The following PIAS1 variants were observed in gnomAD, a reference collection of about 807,000 sequenced individuals.
The protein encoded by PIAS1 is E3 SUMO-protein ligase PIAS1.
A neutral mutation model predicts 71.3 loss-of-function variants in PIAS1; 6 were observed. That is an observed-to-expected ratio of 0.08 (90% CI 0.05 to 0.17). The LOEUF (loss-of-function observed/expected upper bound fraction) is 0.17, where lower values mean the gene tolerates loss of function less well. PIAS1 is among the 10% of genes least tolerant of loss of function. The pLI is 1.00. For missense variants in PIAS1, 555 were observed against 793.6 expected (o/e 0.70, Z 3.61); for synonymous variants, 303 against 292.9 (o/e 1.03, Z -0.35).
At chr15:68,149,988 G>A (rs1295544636) in intron 6 of PIAS1, among the ~76,000 whole-genome samples, 4 of 151,896 alleles carry the variant, frequency 2.6e-5, no homozygotes, top group Non-Finnish European at 5.9e-5. Flanking sequence ...TATCAATGAT[G>A]TATTTCTATA....
At chr15:68,181,518 C>G (rs1191515886) in intron 12 of PIAS1, 164 bp downstream of exon 12, 6 of 609,702 alleles carry the variant, frequency 9.8e-6, no homozygotes, top group Non-Finnish European at 1.4e-5. Context: ...AAATACTGAC[C>G]CAGTTCGTTG....
At chr15:68,089,151 G>T (rs1423402892) in intron 2 of PIAS1, among the ~76,000 whole-genome samples, 2 of 152,078 alleles carry the variant, frequency 1.3e-5, no homozygotes, top group Admixed American at 1.3e-4. Flanking sequence ...GCATGGTTTT[G>T]TATTTCTAAC....
At position 68,188,752 on chromosome 15, in the gene PIAS1, C is replaced by T. The variant is rs2093103806; in HGVS notation, c.*917C>T. On this transcript the variant is annotated 3_prime_UTR_variant, in exon 14 of 14. Transcript: ENST00000249636. Reference sequence around the variant, plus strand: ...GGATTGCCAGTATTGTGTATTTAAACCAAGTCTGTGAATACCTGCTTTTTT... The same window carrying T: ...GGATTGCCAGTATTGTGTATTTAAATCAAGTCTGTGAATACCTGCTTTTTT... 1 of 152,116 alleles carries T rather than the reference C, an allele frequency of 6.6e-6. No individual in the cohort carries two copies. The highest frequency in any genetic ancestry group is 2.4e-5 in the African/African-American group (1 of 41,424). 9.4% of individuals were successfully genotyped at this position (152,116 alleles called of 1,614,324 possible). A position where few individuals can be genotyped will look rare whatever the true frequency, so the allele number is the denominator to read the frequency against.
chr15:68,102,332 C>A (rs2092434230), intron 2 of PIAS1, among the ~76,000 whole-genome samples: 6 of 152,152 alleles, frequency 3.9e-5, no homozygotes, highest in Admixed American at 3.9e-4. Context: ...CTGTCTCCCA[C>A]CATTACCACA....
At chr15:68,118,476 A>G (rs1314859883) in intron 2 of PIAS1, among the ~76,000 whole-genome samples, 3 of 152,162 alleles carry the variant, frequency 2.0e-5, no homozygotes, top group Admixed American at 6.5e-5. Flanking sequence ...TGCTGAGACT[A>G]TAGGCATGCA....
chr15:68,163,044 G>A (rs547746066), intron 7 of PIAS1, among the ~76,000 whole-genome samples: 8 of 152,242 alleles, frequency 5.3e-5, no homozygotes, highest in East Asian at 1.9e-4. Context: ...AAACACACTC[G>A]CAGACACTTT....
At chr15:68,162,454 A>AG in intron 7 of PIAS1, among the ~76,000 whole-genome samples, 1 of 152,162 alleles carries the variant, frequency 6.6e-6, no homozygotes, top group East Asian at 1.9e-4. Context: ...AAACTCTAGG[A>AG]GGGGAAGGAG....
chr15:68,059,468 T>G (rs1326203505), intron 1 of PIAS1, among the ~76,000 whole-genome samples: 1 of 151,702 alleles, frequency 6.6e-6, no homozygotes, highest in Non-Finnish European at 1.5e-5. Context: ...TACCAGCACC[T>G]TGGGAGGCTG....
Position 68,069,285 on chromosome 15 carries a change from G to A in PIAS1, c.24+14935G>A, listed in dbSNP as rs548748647. On this transcript the variant is annotated intron_variant, in intron 1 of 13. Transcript: ENST00000249636. ...ACTGGGCTTATAATAAGTATTCTTT[G>A]TGGCTATAGGTATTCTCTGCTAAAT... Among the ~76,000 whole-genome samples the A allele has an allele frequency of 1.6e-3, 245 of 152,230 alleles. 1 individual carries two copies. Among genetic ancestry groups the A allele is most frequent in the African/African-American group, 5.8e-3 (240 of 41,520 alleles).
At chr15:68,105,911 A>AT (rs2092464647) in intron 2 of PIAS1, among the ~76,000 whole-genome samples, 1 of 152,156 alleles carries the variant, frequency 6.6e-6, no homozygotes, top group South Asian at 2.1e-4. Flanking sequence ...CATAGGTTAG[A>AT]TTTTTCAATA....
At chr15:68,079,158 T>A (rs554693658) in intron 1 of PIAS1, among the ~76,000 whole-genome samples, 1 of 152,316 alleles carries the variant, frequency 6.6e-6, no homozygotes, top group Admixed American at 6.5e-5. Context: ...ACCATTATAT[T>A]GTATTGCACA....
intron 7 of PIAS1, among the ~76,000 whole-genome samples, chr15:68,156,959 G>A (rs565776201): frequency 6.6e-6 from 1 of 152,300 alleles, no homozygotes; most frequent in Non-Finnish European, 1.5e-5. Context: ...AATAGTATAC[G>A]TAAGAGATGA....
intron 2 of PIAS1, among the ~76,000 whole-genome samples, chr15:68,092,643 T>G (rs2092342555): frequency 6.6e-6 from 1 of 152,174 alleles, no homozygotes; most frequent in Non-Finnish European, 1.5e-5. Flanking sequence ...GGTGATTAGG[T>G]AATGAGGGCG....
intron 8 of PIAS1, among the ~76,000 whole-genome samples, chr15:68,168,374 T>A (rs887156031): frequency 4.6e-5 from 7 of 152,202 alleles, no homozygotes; most frequent in African/African-American, 1.7e-4. Flanking sequence ...TTTATTGACA[T>A]TTTTAGGGCT....
chr15:68,156,648 G>A (rs1567068119), intron 7 of PIAS1, among the ~76,000 whole-genome samples: 2 of 150,646 alleles, frequency 1.3e-5, no homozygotes, highest in African/African-American at 2.4e-5. Flanking sequence ...GGCAGAAGTT[G>A]CAGTGAGCTG....
At chr15:68,129,833 ACACT>A (rs1182051790) in intron 2 of PIAS1, among the ~76,000 whole-genome samples, 2 of 134,274 alleles carry the variant, frequency 1.5e-5, no homozygotes, top group African/African-American at 5.3e-5. Flanking sequence ...ACACACACAC[ACACT>A]CTTACATAGA....
chr15:68,129,049 ATAT>A (rs2092671390), intron 2 of PIAS1, among the ~76,000 whole-genome samples: 1 of 152,122 alleles, frequency 6.6e-6, no homozygotes, highest in South Asian at 2.1e-4. Flanking sequence ...TAACTTATAA[ATAT>A]TAGAGGATAC....
chr15:68,131,560 G>C (rs1048333698), intron 2 of PIAS1, among the ~76,000 whole-genome samples: 1 of 151,804 alleles, frequency 6.6e-6, no homozygotes, highest in Non-Finnish European at 1.5e-5. Flanking sequence ...GAGTTTGATT[G>C]TTTTAGATTC....
chr15:68,057,724 T>G (rs2091911861), intron 1 of PIAS1: 2 of 220,676 alleles, frequency 9.1e-6, no homozygotes. Context: ...TTGATTTGAA[T>G]CTCTATAACT....
Sources: allele counts gnomAD v4.1 joint callset (sites outside exome capture counted in the v4.1 genomes callset), GRCh38; gene constraint gnomAD v4.1.1; transcripts MANE v1.5; gene names NCBI Gene and HGNC (gene_info 2026-07-23, HGNC 2026-07-21).